Variants in COL18A1 observed in about 807,000 individuals in gnomAD.
COL18A1 encodes the protein collagen alpha-1(XVIII) chain.
Under a neutral mutation model 168.0 loss-of-function variants are expected in COL18A1, and 133 were observed. That is an observed-to-expected ratio of 0.79 (90% CI 0.69 to 0.91). The LOEUF (loss-of-function observed/expected upper bound fraction) is 0.91. Ranked by LOEUF, COL18A1 falls within the 40% of genes least tolerant of loss-of-function variation. The pLI is 0.00. For missense variants in COL18A1, 2,126 were observed against 1,925.4 expected, an observed-to-expected ratio of 1.10 and a Z score of -1.95; for synonymous variants, 949 against 809.0, an observed-to-expected ratio of 1.17 and a Z score of -2.94.
intron 13 of COL18A1, 116 bp downstream of exon 13, chr21:45,480,974 C>A (rs1241250430): frequency 7.1e-7 from 1 of 1,416,246 alleles, no homozygotes; most frequent in Non-Finnish European, 9.6e-7. Context: ...CGCCTCCTCA[C>A]CTCATCTCCT....
chr21:45,504,236 T>G, intron 33 of COL18A1, 180 bp from the exon 34 acceptor site: 1 of 900,548 alleles, frequency 1.1e-6, no homozygotes, highest in Admixed American at 2.1e-5. Flanking sequence ...GCTCAGTTTT[T>G]GGGGGACTCG....
chr21:45,497,772 T>A (rs2036592448), intron 32 of COL18A1, 111 bp downstream of exon 32: 4 of 1,427,488 alleles, frequency 2.8e-6, no homozygotes, highest in South Asian at 1.2e-5. Flanking sequence ...CACTGGGTGG[T>A]GACCACCTCA....
At chr21:45,439,137 T>C (rs78620106) in intron 2 of COL18A1, among the ~76,000 whole-genome samples, 1 of 152,270 alleles carries the variant, frequency 6.6e-6, no homozygotes, top group African/African-American at 2.4e-5. Context: ...TTAACGTTTT[T>C]TAATTCGAGA....
chr21:45,428,767 G>A (rs1019878852), intron 2 of COL18A1, among the ~76,000 whole-genome samples: 1 of 152,092 alleles, frequency 6.6e-6, no homozygotes, highest in Non-Finnish European at 1.5e-5. Context: ...GGTACGTCGT[G>A]GTGTTGTGCA....
chr21:45,504,662 C>T (rs2037079523), intron 34 of COL18A1, 106 bp downstream of exon 34: 6 of 988,730 alleles, frequency 6.1e-6, no homozygotes, highest in Non-Finnish European at 9.1e-6. Flanking sequence ...CCGGAGCTGC[C>T]CCTGCAAGCT....
chr21:45,410,496 C>T (rs1038224016), intron 2 of COL18A1, among the ~76,000 whole-genome samples: 3 of 152,164 alleles, frequency 2.0e-5, no homozygotes, highest in African/African-American at 7.2e-5. Flanking sequence ...CCAGTGGGAA[C>T]GGCAGGAGGA....
intron 9 of COL18A1, 24 bp from the exon 10 acceptor site, chr21:45,479,878 G>C (rs556114387): frequency 1.2e-6 from 2 of 1,613,150 alleles, no homozygotes; most frequent in African/African-American, 1.3e-5. Context: ...TTCCCTGACC[G>C]GGCCCCCGGA....
intron 6 of COL18A1, 103 bp from the exon 7 acceptor site, chr21:45,477,308 A>AG: frequency 1.1e-6 from 1 of 873,788 alleles, no homozygotes; most frequent in Non-Finnish European, 1.9e-6. Context: ...GCCGGGCTCC[A>AG]GGACTGAAAG....
chr21:45,493,619 G>A, intron 26 of COL18A1, 44 bp downstream of exon 26: 1 of 1,443,844 alleles, frequency 6.9e-7, no homozygotes, highest in African/African-American at 1.4e-5. Flanking sequence ...GGGGGCTCCT[G>A]GGGCTGTGGA....
rs768453031 is a variant in COL18A1, at chr21:45,494,561, G to A, written c.2369G>A (p.Arg790Gln). Reference sequence around the variant, plus strand: ...TTTGCTCAGGGAGAGCCGGGCTTCCGAGGACCCCCGGTAAGTCGGTCCCTG... The same window carrying A: ...TTTGCTCAGGGAGAGCCGGGCTTCCAAGGACCCCCGGTAAGTCGGTCCCTG... Reference protein sequence around the residue: ...QKGAKGEPGFRGPPGPYGRPG... With the variant: ...QKGAKGEPGFQGPPGPYGRPG... The change falls in exon 27 of 42, where the codon CGA becomes CAA. Residue 790 changes from arginine (R) to glutamine (Q), a missense_variant. Transcript: ENST00000651438. 22 of 1,613,268 alleles carry A rather than the reference G, an allele frequency of 1.4e-5. No homozygotes were observed. Among genetic ancestry groups the A allele is most frequent in the South Asian group, 1.2e-4 (11 of 91,086 alleles).
At position 45,471,250 on chromosome 21, in the gene COL18A1, C is replaced by T. The variant is rs2035420306; in HGVS notation, c.651+2464C>T. On this transcript the variant is annotated intron_variant, in intron 3 of 41. Coordinates refer to ENST00000651438, the MANE Select transcript of COL18A1 (RefSeq NM_001379500.1). The surrounding 1 kb of genome is among the most constrained non-coding windows in gnomAD (Gnocchi z 4.4). The stretch of plus-strand genomic sequence containing the variant: ...ATCTCTGTGTCAGGTCCCTGCAGGC[C>T]TCAGGTGTCAGGAACTTTCTCTTTG... 6.6e-6 allele frequency among the ~76,000 whole-genome samples: 1 copy of T among 152,152 alleles called. No homozygotes were observed. The highest frequency in any genetic ancestry group is 1.5e-5 in the Non-Finnish European group (1 of 68,002).
At chr21:45,480,911 G>A (rs2035869004) in intron 13 of COL18A1, 53 bp downstream of exon 13, 1 of 1,564,806 alleles carries the variant, frequency 6.4e-7, no homozygotes, top group Non-Finnish European at 8.6e-7. Flanking sequence ...TGGGAGTGAG[G>A]GGTGAACACC....
intron 6 of COL18A1, 77 bp downstream of exon 6, chr21:45,476,557 A>AGGTATGTGTGTGATGTAT: frequency 1.3e-6 from 2 of 1,505,626 alleles, no homozygotes; most frequent in Admixed American, 4.0e-5. Context: ...TGTGATGGTG[A>AGGTATGTGTGTGATGTAT]GGTATGTGTG....
At chr21:45,430,783 C>T (rs963099800) in intron 2 of COL18A1, among the ~76,000 whole-genome samples, 4 of 152,244 alleles carry the variant, frequency 2.6e-5, no homozygotes, top group South Asian at 2.1e-4. Context: ...AGCCCGCACT[C>T]GTCCACCAAA....
chr21:45,438,619 G>A (rs2034285443), intron 2 of COL18A1, among the ~76,000 whole-genome samples: 1 of 152,254 alleles, frequency 6.6e-6, no homozygotes, highest in Non-Finnish European at 1.5e-5. Flanking sequence ...AGTGGAGAGG[G>A]AGTGTGTGCT....
At chr21:45,447,735 G>C (rs2034534276) in intron 2 of COL18A1, among the ~76,000 whole-genome samples, 1 of 152,200 alleles carries the variant, frequency 6.6e-6, no homozygotes. Context: ...GAACTTCTTA[G>C]AGTCTTTGAA....
chr21:45,506,482 T>G, intron 37 of COL18A1: 1 of 241,652 alleles, frequency 4.1e-6, no homozygotes. Context: ...GATTGCCCCT[T>G]CCAGGACAGG....
intron 7 of COL18A1, 130 bp downstream of exon 7, chr21:45,477,617 C>T: frequency 1.6e-6 from 2 of 1,252,206 alleles, no homozygotes; most frequent in Non-Finnish European, 2.3e-6. Flanking sequence ...CACTCGGTGC[C>T]AGCATGCGTC....
chr21:45,412,959 G>A (rs894877440), intron 2 of COL18A1, among the ~76,000 whole-genome samples: 14 of 152,220 alleles, frequency 9.2e-5, no homozygotes, highest in South Asian at 2.1e-4. Flanking sequence ...GTGTGGCCAC[G>A]GGCAGGCTGC....
Sources: allele counts gnomAD v4.1 joint callset (sites outside exome capture counted in the v4.1 genomes callset), GRCh38; gene constraint gnomAD v4.1.1; non-coding constraint Gnocchi (gnomAD v3.1); transcripts MANE v1.5; gene names NCBI Gene and HGNC (gene_info 2026-07-23, HGNC 2026-07-21).